Variants in WWP1 observed in about 807,000 individuals in gnomAD.
The protein encoded by WWP1 is WW domain containing E3 ubiquitin protein ligase 1.
Under a neutral mutation model 130.6 loss-of-function variants are expected in WWP1, and 49 were observed. That is an observed-to-expected ratio of 0.38 (90% CI 0.30 to 0.48). WWP1 has a LOEUF of 0.48. Among genes scored for constraint, WWP1 ranks in the 20% least tolerant of loss-of-function variants. The pLI, the probability that WWP1 is intolerant of heterozygous loss-of-function variation, is 0.99. For missense variants in WWP1, 809 were observed against 1,100.6 expected, an observed-to-expected ratio of 0.74 and a Z score of 3.75; for synonymous variants, 332 against 367.8, an observed-to-expected ratio of 0.90 and a Z score of 1.11.
Position 86,388,085 on chromosome 8 carries a change from G to T in WWP1, c.334+6456G>T, listed in dbSNP as rs550771990. Among the ~76,000 whole-genome samples the T allele has an allele frequency of 2.0e-5, 3 of 151,142 alleles. No individual in the cohort carries two copies. In the South Asian group the frequency reaches 6.3e-4, roughly 32 times the overall value. ...TACATTTAAATAGCCATACATGGCC[G>T]CTGGCTACTGTATTGGTCAGTGCAG... On this transcript the variant is annotated intron_variant, in intron 5 of 24. Coordinates refer to ENST00000517970, the MANE Select transcript of WWP1 (RefSeq NM_007013.4).
At chr8:86,374,737 TCTCA>T (rs1226359672) in intron 3 of WWP1, among the ~76,000 whole-genome samples, 2 of 152,002 alleles carry the variant, frequency 1.3e-5, no homozygotes, top group African/African-American at 4.8e-5. Flanking sequence ...TGAGATAGGG[TCTCA>T]CTTTCTCTCC....
chr8:86,371,672 T>C (rs141685656), intron 2 of WWP1, among the ~76,000 whole-genome samples: 44 of 152,364 alleles, frequency 2.9e-4, no homozygotes, highest in Non-Finnish European at 4.7e-4. Context: ...ATTTGCCTAA[T>C]GTGTTATCTT....
At chr8:86,380,245 G>T (rs1288070893) in intron 3 of WWP1, among the ~76,000 whole-genome samples, 3 of 152,020 alleles carry the variant, frequency 2.0e-5, no homozygotes, top group Non-Finnish European at 2.9e-5. Flanking sequence ...AAAGAAGCCA[G>T]TCACAAAAAA....
intron 8 of WWP1, 88 bp downstream of exon 8, chr8:86,402,291 T>A: frequency 6.9e-7 from 1 of 1,443,802 alleles, no homozygotes; most frequent in Non-Finnish European, 9.3e-7. Flanking sequence ...CCTTTTTGTG[T>A]AGTCTTTTTT....
intron 24 of WWP1, among the ~76,000 whole-genome samples, chr8:86,465,467 A>C (rs543770054): frequency 6.6e-6 from 1 of 152,278 alleles, no homozygotes; most frequent in East Asian, 1.9e-4. Context: ...TACAAAAAAA[A>C]ATACAAAAGT....
intron 1 of WWP1, 23 bp downstream of exon 1, chr8:86,342,953 C>T: frequency 7.0e-6 from 1 of 142,426 alleles, no homozygotes; most frequent in South Asian, 2.5e-4. Context: ...CGGCGCGGGG[C>T]TGGGGGTGCG....
At chr8:86,434,581 C>T (rs1810181940) in intron 14 of WWP1, among the ~76,000 whole-genome samples, 1 of 152,088 alleles carries the variant, frequency 6.6e-6, no homozygotes. Flanking sequence ...TTAACAATGC[C>T]TTTTTTATTG....
intron 14 of WWP1, among the ~76,000 whole-genome samples, chr8:86,434,886 A>G (rs113291177): frequency 1.3e-4 from 20 of 152,296 alleles, no homozygotes; most frequent in African/African-American, 4.6e-4. Context: ...CCCTCAATCA[A>G]TAGGCAAGAG....
intron 5 of WWP1, among the ~76,000 whole-genome samples, chr8:86,395,212 A>C (rs953767376): frequency 1.3e-5 from 2 of 152,174 alleles, no homozygotes; most frequent in African/African-American, 4.8e-5. Flanking sequence ...ATAAGGGAAC[A>C]AGCCACCATA....
Position 86,431,608 on chromosome 8 carries a change from C to T in WWP1, c.1473-7C>T. 6.2e-7 allele frequency: 1 copy of T among 1,613,016 alleles called. No individual in the cohort carries two copies. The highest frequency in any genetic ancestry group is 8.5e-7 in the Non-Finnish European group (1 of 1,179,698). ...GTTCATCTTGTGATTTTAACTTTAT[C>T]TTTTAGCTTACAGAATGAAGAACCC... On this transcript the variant is annotated splice_polypyrimidine_tract_variant and splice_region_variant and intron_variant, in intron 13 of 24. Transcript: ENST00000517970.
At chr8:86,350,225 A>C (rs1282335425) in intron 1 of WWP1, among the ~76,000 whole-genome samples, 1 of 152,024 alleles carries the variant, frequency 6.6e-6, no homozygotes, top group Non-Finnish European at 1.5e-5. Context: ...TTATCACTTA[A>C]CCTTATCCAC....
intron 5 of WWP1, among the ~76,000 whole-genome samples, chr8:86,396,630 A>G (rs1276151023): frequency 7.0e-6 from 1 of 142,352 alleles, no homozygotes; most frequent in Non-Finnish European, 1.5e-5. Context: ...GTCTCGCTCT[A>G]TTACTCCCAC....
intron 5 of WWP1, among the ~76,000 whole-genome samples, chr8:86,395,684 A>G (rs1486131503): frequency 6.6e-6 from 1 of 152,238 alleles, no homozygotes; most frequent in African/African-American, 2.4e-5. Context: ...AATACCAAAG[A>G]CAAATAAATT....
intron 17 of WWP1, among the ~76,000 whole-genome samples, chr8:86,442,005 AC>A (rs1272291545): frequency 6.6e-6 from 1 of 152,146 alleles, no homozygotes; most frequent in African/African-American, 2.4e-5. Flanking sequence ...TAAAGATTTA[AC>A]CTTTTAAATT....
chr8:86,461,143 T>G, intron 22 of WWP1, 81 bp from the exon 23 acceptor site: 1 of 1,276,438 alleles, frequency 7.8e-7, no homozygotes. Flanking sequence ...CAGTGTTATT[T>G]AATTTCTTCA....
chr8:86,465,424 A>G (rs1268820650), intron 24 of WWP1, among the ~76,000 whole-genome samples: 2 of 152,190 alleles, frequency 1.3e-5, no homozygotes, highest in Non-Finnish European at 2.9e-5. Context: ...AATGATGAGG[A>G]GGAGCCTGGG....
chr8:86,342,559 G>A lies in WWP1; in HGVS notation c.-486G>A, dbSNP rs1347962577. Among the ~76,000 whole-genome samples, 2 of 151,590 alleles carry A rather than the reference G, an allele frequency of 1.3e-5. No individual in the cohort carries two copies. Among genetic ancestry groups the A allele is most frequent in the East Asian group, 2.0e-4 (1 of 5,128 alleles). Reference sequence around the variant, plus strand: ...TCGGGGGAGGCGGATTCCGGGTCCGGAGTTGGAGGCTTTGGGCGGCCGCGG... The same window carrying A: ...TCGGGGGAGGCGGATTCCGGGTCCGAAGTTGGAGGCTTTGGGCGGCCGCGG... On this transcript the variant is annotated 5_prime_UTR_variant, in exon 1 of 25. Coordinates refer to ENST00000517970, the MANE Select transcript of WWP1 (RefSeq NM_007013.4).
chr8:86,377,356 C>A (rs1824720614), intron 3 of WWP1, among the ~76,000 whole-genome samples: 1 of 151,962 alleles, frequency 6.6e-6, no homozygotes, highest in Admixed American at 6.6e-5. Context: ...CCTCGGCCTC[C>A]CAGAGTGCTG....
In WWP1 at chr8:86,374,027, T is replaced by C; in HGVS notation, c.-21-3T>C. 1.9e-6 allele frequency: 3 copies of C among 1,588,926 alleles called. No individual in the cohort carries two copies. The highest frequency in any genetic ancestry group is 1.4e-5 in the African/African-American group (1 of 73,454). The stretch of plus-strand genomic sequence containing the variant: ...ATGAATAAATTCCCCTTTTTTAAAA[T>C]AGGTTTTAGCTGAATTTTGGGACAT... On this transcript the variant is annotated splice_region_variant and splice_polypyrimidine_tract_variant and intron_variant, in intron 2 of 24. Coordinates refer to ENST00000517970, the MANE Select transcript of WWP1 (RefSeq NM_007013.4).
Sources: gnomAD v4.1 joint callset for allele counts (sites outside exome capture counted in the v4.1 genomes callset) on GRCh38, gnomAD v4.1.1 for gene constraint, MANE v1.5 for transcripts, NCBI Gene and HGNC (gene_info 2026-07-23, HGNC 2026-07-21) for gene names.